FAR1: variants seen among roughly 807,000 people sequenced by gnomAD.
FAR1 encodes fatty acyl-CoA reductase 1.
Under a neutral mutation model 61.1 loss-of-function variants are expected in FAR1, and 22 were observed. The observed-to-expected ratio is 0.36, with a 90% CI of 0.26 to 0.51. The LOEUF is 0.51. Ranked by LOEUF, FAR1 falls within the 20% of genes least tolerant of loss-of-function variation. The pLI is 0.95. For synonymous variants in FAR1, 206 were observed against 209.7 expected (o/e 0.98, Z 0.15); for missense variants, 359 against 626.9 (o/e 0.57, Z 4.56).
At chr11:13,670,564 T>C (rs1446727230) in intron 1 of FAR1, among the ~76,000 whole-genome samples, 3 of 152,200 alleles carry the variant, frequency 2.0e-5, no homozygotes, top group African/African-American at 7.2e-5. Context: ...AGTGCTGGGA[T>C]TACAGGCGTT....
chr11:13,688,172 G>A (rs1228821469), intron 1 of FAR1, among the ~76,000 whole-genome samples: 1 of 150,776 alleles, frequency 6.6e-6, no homozygotes, highest in East Asian at 1.9e-4. Context: ...GTCTCTTGTT[G>A]GCAGCAAAAA....
chr11:13,710,349 G>T (rs1311484496), intron 4 of FAR1, among the ~76,000 whole-genome samples: 1 of 151,872 alleles, frequency 6.6e-6, no homozygotes, highest in African/African-American at 2.4e-5. Flanking sequence ...ACTTGATCTG[G>T]GTTAGTATCC....
chr11:13,697,434 C>T lies in FAR1; in HGVS notation c.189+2480C>T, dbSNP rs1432926950. Among the ~76,000 whole-genome samples the T allele has an allele frequency of 2.0e-5, 3 of 151,776 alleles. No homozygotes were observed. The East Asian group carries it at 5.8e-4, about 29-fold the overall frequency. On this transcript the variant is annotated intron_variant, in intron 2 of 11. Coordinates refer to ENST00000354817, the MANE Select transcript of FAR1 (RefSeq NM_032228.6). ...TTGAGATTGCGCCACTGCACTCCAG[C>T]ATGGGTGATGAGTAAGACCCTATCT...
intron 1 of FAR1, among the ~76,000 whole-genome samples, chr11:13,685,344 A>T (rs377442284): frequency 6.6e-6 from 1 of 152,168 alleles, no homozygotes; most frequent in African/African-American, 2.4e-5. Context: ...AACCCAGCCA[A>T]CTGGCACCTT....
chr11:13,669,849 T>C (rs1235732368), intron 1 of FAR1, among the ~76,000 whole-genome samples: 1 of 151,158 alleles, frequency 6.6e-6, no homozygotes, highest in Non-Finnish European at 1.5e-5. Flanking sequence ...TGCTTTTGAC[T>C]AGATGGCAGT....
At chr11:13,683,428 G>A (rs185822294) in intron 1 of FAR1, among the ~76,000 whole-genome samples, 1 of 152,004 alleles carries the variant, frequency 6.6e-6, no homozygotes, top group Non-Finnish European at 1.5e-5. Flanking sequence ...GGATATGGGT[G>A]TGTTAAACAC....
At chr11:13,723,751 T>G (rs1848639770) in intron 10 of FAR1, among the ~76,000 whole-genome samples, 1 of 152,176 alleles carries the variant, frequency 6.6e-6, no homozygotes, top group Non-Finnish European at 1.5e-5. Flanking sequence ...ATCTCAGTGT[T>G]TCTGGGCTAA....
chr11:13,723,279 C>A (rs1372069636), intron 10 of FAR1: 1 of 319,040 alleles, frequency 3.1e-6, no homozygotes, highest in Non-Finnish European at 5.9e-6. Context: ...GTGGGAGGAT[C>A]AGTTGAGCCC....
intron 10 of FAR1, among the ~76,000 whole-genome samples, chr11:13,727,263 T>G (rs1354541206): frequency 1.3e-5 from 2 of 151,998 alleles, no homozygotes; most frequent in Non-Finnish European, 1.5e-5. Context: ...TTTTTTTTCT[T>G]TGTTTAGCAA....
At chr11:13,686,273 C>T (rs1027037098) in intron 1 of FAR1, among the ~76,000 whole-genome samples, 1 of 152,082 alleles carries the variant, frequency 6.6e-6, no homozygotes, top group Non-Finnish European at 1.5e-5. Context: ...TATTTTTCTC[C>T]TCACTGGTGA....
chr11:13,711,009 C>G (rs1467989905), intron 5 of FAR1, 139 bp downstream of exon 5: 46 of 683,492 alleles, frequency 6.7e-5, no homozygotes, highest in Non-Finnish European at 9.5e-6. Context: ...GTTTTGTGTT[C>G]ATAGAGTTAA....
rs140670806 is a variant in FAR1 at position 13,716,504 on chromosome 11, AC to A, written c.1127+1825del. ...GGCCGGTGGGCAGAGAGGCAATGGA[AC>A]AGCAAGGGGACTGATGTTACTCTTT... is the stretch of plus-strand genomic sequence containing the variant. On this transcript the variant is annotated intron_variant, in intron 9 of 11. Transcript: ENST00000354817. Among the ~76,000 whole-genome samples, 457 of 152,320 alleles carry A rather than the reference AC, an allele frequency of 3.0e-3. 4 individuals are homozygous for A. The highest frequency in any genetic ancestry group is 9.6e-3 in the African/African-American group (401 of 41,578).
chr11:13,712,577 TTATATGAA>T, intron 7 of FAR1, among the ~76,000 whole-genome samples: 1 of 152,176 alleles, frequency 6.6e-6, no homozygotes, highest in Admixed American at 6.6e-5. Context: ...AGAGATAGGA[TTATATGAA>T]TATGTTGTTT....
Position 13,714,628 on chromosome 11 carries a change from G to A in FAR1, c.1075G>A (p.Ala359Thr). Reference protein sequence around the residue: ...YHYWIAVSHKAPAFLYDIYLR... With the variant: ...YHYWIAVSHKTPAFLYDIYLR... ...TTACTGGATTGCTGTAAGCCATAAG[G>A]CCCCAGCATTCCTGTATGATATCTA... The change falls in exon 9 of 12, where the codon GCC (alanine) becomes ACC (threonine). Residue 359 changes from alanine to threonine, a missense_variant. Physicochemically the swap from Ala to Thr is moderately conservative, Grantham distance 58. Around this residue, in one of 2 missense-constraint regions of FAR1, gnomAD observed 344 missense variants for 570.3 expected, o/e 0.60. Transcript: ENST00000354817. 1.2e-6 allele frequency: 2 copies of A among 1,613,234 alleles called. No homozygotes were observed.
intron 1 of FAR1, among the ~76,000 whole-genome samples, chr11:13,672,874 T>C (rs974560082): frequency 1.3e-5 from 2 of 152,184 alleles, no homozygotes; most frequent in Non-Finnish European, 2.9e-5. Context: ...TAGAGTTTAA[T>C]ACATGAATTT....
intron 3 of FAR1, 113 bp from the exon 4 acceptor site, chr11:13,707,787 T>C: frequency 4.4e-6 from 3 of 687,074 alleles, no homozygotes; most frequent in South Asian, 9.0e-5. Context: ...GGATAAGTTG[T>C]AAAGAAACAA....
chr11:13,709,861 C>G, intron 4 of FAR1, among the ~76,000 whole-genome samples: 1 of 151,996 alleles, frequency 6.6e-6, no homozygotes, highest in East Asian at 1.9e-4. Context: ...TACTTGCATA[C>G]ACAGCATTAT....
intron 2 of FAR1, 125 bp downstream of exon 2, chr11:13,695,079 ACTT>A (rs1848294730): frequency 9.1e-6 from 7 of 766,668 alleles, no homozygotes; most frequent in Non-Finnish European, 1.1e-5. Context: ...AAACAAAAAA[ACTT>A]AGTAAGTTCC....
intron 1 of FAR1, among the ~76,000 whole-genome samples, chr11:13,691,167 C>T (rs1402109701): frequency 1.3e-5 from 2 of 152,160 alleles, no homozygotes; most frequent in Non-Finnish European, 2.9e-5. Flanking sequence ...TAAGATGGCA[C>T]GTTGTTGAAC....
Sources: allele counts gnomAD v4.1 joint callset (sites outside exome capture counted in the v4.1 genomes callset), GRCh38; gene constraint gnomAD v4.1.1; regional missense constraint gnomAD v4.1.1; transcripts MANE v1.5; gene names NCBI Gene and HGNC (gene_info 2026-07-23, HGNC 2026-07-21).